The following BICRAL variants were observed in gnomAD, a reference collection of about 807,000 sequenced individuals.
BICRAL encodes BICRA like chromatin remodeling complex associated protein.
A neutral mutation model predicts 91.8 loss-of-function variants in BICRAL; 8 were observed. That is an observed-to-expected ratio of 0.09 (90% CI 0.05 to 0.16). BICRAL has a LOEUF of 0.16. Ranked by LOEUF, BICRAL falls within the 10% of genes least tolerant of loss-of-function variation. BICRAL has a pLI of 1.00. For missense variants in BICRAL, 1,038 were observed against 1,310.9 expected (o/e 0.79, Z 3.21); for synonymous variants, 445 against 491.1 (o/e 0.91, Z 1.24).
At chr6:42,861,636 A>T (rs1354891303) in intron 11 of BICRAL, among the ~76,000 whole-genome samples, 2 of 152,226 alleles carry the variant, frequency 1.3e-5, no homozygotes, top group African/African-American at 2.4e-5. Context: ...TATTATACAC[A>T]TATACAACAT....
At chr6:42,821,305 T>C (rs1764129882) in intron 2 of BICRAL, 1 of 152,268 alleles carries the variant, frequency 6.6e-6, no homozygotes, top group African/African-American at 2.4e-5. Flanking sequence ...CTGGCTAAGC[T>C]TGACACTGTC....
At position 42,842,978 on chromosome 6, in the gene BICRAL, C is replaced by G. The variant is rs749787221; in HGVS notation, c.1840-9114C>G. ...ATGCCATTCTCCTGCCTCAGCCTCC[C>G]GAGTAGCTGGGACTACAGGCGCCCA... On this transcript the variant is annotated intron_variant, in intron 6 of 12. Transcript: ENST00000314073. Among the ~76,000 whole-genome samples, 73 of 151,848 alleles carry G rather than the reference C, an allele frequency of 4.8e-4. 2 individuals carry two copies. Among genetic ancestry groups the G allele is most frequent in the Non-Finnish European group, 1.0e-4 (7 of 67,966 alleles).
intron 6 of BICRAL, among the ~76,000 whole-genome samples, chr6:42,851,644 A>G (rs991282666): frequency 1.3e-5 from 2 of 152,294 alleles, no homozygotes; most frequent in East Asian, 3.9e-4. Context: ...ACAGCAAAAC[A>G]ATGAGTGGTG....
intron 5 of BICRAL, 97 bp from the exon 6 acceptor site, chr6:42,828,396 A>T: frequency 9.5e-7 from 1 of 1,052,236 alleles, no homozygotes; most frequent in South Asian, 1.7e-5. Flanking sequence ...GCGAGACTCC[A>T]TCTCAAAAAA....
intron 1 of BICRAL, among the ~76,000 whole-genome samples, chr6:42,748,203 C>T (rs974016665): frequency 3.4e-5 from 5 of 147,708 alleles, no homozygotes; most frequent in Non-Finnish European, 5.9e-5. Flanking sequence ...TTGTCCAAGT[C>T]GTGGAGGAAT....
At chr6:42,863,881 A>G (rs1168283732) in intron 12 of BICRAL, among the ~76,000 whole-genome samples, 1 of 152,048 alleles carries the variant, frequency 6.6e-6, no homozygotes, top group Non-Finnish European at 1.5e-5. Context: ...TACCAAAATT[A>G]GGCCAGGCGT....
intron 6 of BICRAL, among the ~76,000 whole-genome samples, chr6:42,851,506 A>C (rs1332409405): frequency 6.6e-6 from 1 of 152,250 alleles, no homozygotes; most frequent in East Asian, 1.9e-4. Context: ...TAATTTTTCT[A>C]ATTATATTTT....
In BICRAL at chr6:42,837,508, T is replaced by C. The variant is rs548909408; in HGVS notation, c.1839+7336T>C. Among the ~76,000 whole-genome samples the C allele has an allele frequency of 4.0e-5, 6 of 151,254 alleles. No individual in the cohort carries two copies. In the East Asian group the frequency reaches 1.2e-3, roughly 29 times the overall value. On this transcript the variant is annotated intron_variant, in intron 6 of 12. Coordinates refer to ENST00000314073, the MANE Select transcript of BICRAL (RefSeq NM_001393499.1). ...GACTCACGCCTGTAATCGCAGCACT[T>C]TGGGAGGCCGAGGCAGGTGGATCAC...
At chr6:42,787,595 A>G (rs1763137875) in intron 1 of BICRAL, among the ~76,000 whole-genome samples, 1 of 152,152 alleles carries the variant, frequency 6.6e-6, no homozygotes, top group South Asian at 2.1e-4. Context: ...GAGACTGAAA[A>G]GGTTCAGCCA....
intron 7 of BICRAL, 115 bp from the exon 8 acceptor site, chr6:42,853,523 T>C: frequency 1.4e-6 from 1 of 722,644 alleles, no homozygotes; most frequent in Non-Finnish European, 2.4e-6. Flanking sequence ...GCAGCCATGA[T>C]AAAGAAACCC....
At chr6:42,773,081 A>G (rs1235910267) in intron 1 of BICRAL, among the ~76,000 whole-genome samples, 2 of 144,566 alleles carry the variant, frequency 1.4e-5, no homozygotes, top group African/African-American at 5.0e-5. Context: ...GAGTGGAGCA[A>G]TTTTTTTTTT....
intron 1 of BICRAL, among the ~76,000 whole-genome samples, chr6:42,758,385 C>A (rs1490275746): frequency 1.3e-5 from 2 of 152,166 alleles, no homozygotes; most frequent in Admixed American, 1.3e-4. Flanking sequence ...ACCTCACCAG[C>A]CTCATGTCCC....
intron 1 of BICRAL, among the ~76,000 whole-genome samples, chr6:42,805,964 T>C (rs537306860): frequency 3.3e-5 from 5 of 150,388 alleles, no homozygotes; most frequent in African/African-American, 1.2e-4. Flanking sequence ...ATCATGCCAC[T>C]GCACTCCAGT....
intron 6 of BICRAL, among the ~76,000 whole-genome samples, chr6:42,841,398 A>G (rs961637722): frequency 1.7e-4 from 26 of 151,950 alleles, no homozygotes; most frequent in African/African-American, 5.6e-4. Context: ...CATATTGGCC[A>G]GGCTGGTCTC....
intron 1 of BICRAL, among the ~76,000 whole-genome samples, chr6:42,766,051 G>T (rs570322826): frequency 2.0e-5 from 3 of 152,204 alleles, no homozygotes; most frequent in Admixed American, 6.5e-5. Flanking sequence ...ACAGGATTTT[G>T]CCCAGGCTGG....
chr6:42,806,132 C>G (rs906794515), intron 1 of BICRAL, among the ~76,000 whole-genome samples: 2 of 152,170 alleles, frequency 1.3e-5, no homozygotes, highest in African/African-American at 2.4e-5. Flanking sequence ...TTCCTTCAGT[C>G]AGGTTGCCAA....
chr6:42,800,589 G>T (rs780373642), intron 1 of BICRAL, among the ~76,000 whole-genome samples: 61 of 145,558 alleles, frequency 4.2e-4, no homozygotes, highest in Non-Finnish European at 1.2e-4. Context: ...CCGCTTCATC[G>T]CCCAGGCTAG....
intron 1 of BICRAL, among the ~76,000 whole-genome samples, chr6:42,747,744 C>T (rs549279614): frequency 2.8e-4 from 43 of 151,640 alleles, no homozygotes; most frequent in African/African-American, 1.0e-3. Flanking sequence ...ATCGTTTTCA[C>T]TAGTCTTGTT....
Position 42,862,952 on chromosome 6 carries a change from G to A in BICRAL, c.2452+340G>A, listed in dbSNP as rs990513918. On this transcript the variant is annotated intron_variant, in intron 12 of 12. Transcript: ENST00000314073. ...TGTCATCAAAGCTCTATTTCACTTC[G>A]ATTATTTCCAGCATTAACACTTTTT... Among the ~76,000 whole-genome samples the A allele has an allele frequency of 4.6e-5, 7 of 151,884 alleles. No homozygotes were observed. The East Asian group carries it at 5.8e-4, about 13-fold the overall frequency.
Sources: allele counts gnomAD v4.1 joint callset (sites outside exome capture counted in the v4.1 genomes callset), GRCh38; gene constraint gnomAD v4.1.1; transcripts MANE v1.5; gene names NCBI Gene and HGNC (gene_info 2026-07-23, HGNC 2026-07-21).